OLFM3: variants seen among roughly 807,000 people sequenced by gnomAD.
The protein encoded by OLFM3 is noelin-3.
A neutral mutation model predicts 48.6 loss-of-function variants in OLFM3; 20 were observed. That is an observed-to-expected ratio of 0.41 (90% CI 0.29 to 0.60). The LOEUF (loss-of-function observed/expected upper bound fraction) is 0.60. OLFM3 is among the 20% of genes least tolerant of loss of function. OLFM3 has a pLI of 0.28. For synonymous variants in OLFM3, 222 were observed against 198.1 expected (o/e 1.12, Z -1.01); for missense variants, 437 against 544.3 (o/e 0.80, Z 1.96).
intron 1 of OLFM3, among the ~76,000 whole-genome samples, chr1:101,896,456 GTTT>G (rs1364911773): frequency 7.3e-6 from 1 of 136,978 alleles, no homozygotes; most frequent in Non-Finnish European, 1.6e-5. Flanking sequence ...TGTGCAGGAC[GTTT>G]TTATTTTTCA....
At chr1:101,848,204 C>T (rs2100944667) in intron 1 of OLFM3, among the ~76,000 whole-genome samples, 1 of 151,896 alleles carries the variant, frequency 6.6e-6, no homozygotes, top group South Asian at 2.1e-4. Context: ...AAAGAGAAGA[C>T]ACAAAACAAA....
chr1:101,906,004 A>G (rs1419630819), intron 1 of OLFM3, among the ~76,000 whole-genome samples: 1 of 152,138 alleles, frequency 6.6e-6, no homozygotes, highest in Non-Finnish European at 1.5e-5. Flanking sequence ...ATTTTCTCAC[A>G]TCTCTTCCCT....
intron 1 of OLFM3, chr1:101,893,250 GAA>G: frequency 1.3e-4 from 35 of 273,738 alleles, no homozygotes; most frequent in Admixed American, 1.6e-4. Flanking sequence ...CAGAGGTGGG[GAA>G]AAAAAAAAGG....
intron 1 of OLFM3, among the ~76,000 whole-genome samples, chr1:101,894,677 A>G (rs1658132379): frequency 6.6e-6 from 1 of 152,196 alleles, no homozygotes; most frequent in East Asian, 1.9e-4. Flanking sequence ...TCTTTATGTC[A>G]TATGTAATTT....
At chr1:101,853,013 C>T (rs929366849) in intron 1 of OLFM3, among the ~76,000 whole-genome samples, 3 of 152,042 alleles carry the variant, frequency 2.0e-5, no homozygotes, top group Non-Finnish European at 4.4e-5. Flanking sequence ...TTACTTTGTA[C>T]CATTTGTTAC....
intron 1 of OLFM3, among the ~76,000 whole-genome samples, chr1:101,949,767 A>G (rs138099057): frequency 1.3e-5 from 2 of 151,940 alleles, no homozygotes; most frequent in African/African-American, 2.4e-5. Flanking sequence ...CGTCTCTACT[A>G]AAAATACAAA....
intron 4 of OLFM3, chr1:101,812,679 A>G: frequency 1.0e-6 from 1 of 985,780 alleles, no homozygotes; most frequent in Non-Finnish European, 1.2e-6. Context: ...TCTCTATGGC[A>G]AAGGGATACT....
intron 1 of OLFM3, among the ~76,000 whole-genome samples, chr1:101,987,686 A>G (rs912561896): frequency 6.6e-6 from 1 of 152,108 alleles, no homozygotes; most frequent in Non-Finnish European, 1.5e-5. Flanking sequence ...ATTTGAAGAA[A>G]TCTTGCCATC....
chr1:101,829,321 A>G (rs939420794), intron 3 of OLFM3, among the ~76,000 whole-genome samples: 2 of 152,060 alleles, frequency 1.3e-5, no homozygotes, highest in African/African-American at 4.8e-5. Context: ...AATTTGTCCT[A>G]ATTACTTAAC....
At chr1:101,982,407 A>G (rs1483085990) in intron 1 of OLFM3, among the ~76,000 whole-genome samples, 1 of 152,214 alleles carries the variant, frequency 6.6e-6, no homozygotes, top group Admixed American at 6.5e-5. Context: ...ACAGACAGAG[A>G]TAGGAATATA....
intron 3 of OLFM3, among the ~76,000 whole-genome samples, chr1:101,826,751 C>G (rs1347500996): frequency 1.3e-5 from 2 of 152,136 alleles, no homozygotes; most frequent in African/African-American, 4.8e-5. Context: ...TGGAAATAGA[C>G]TTATTAAAGT....
At chr1:101,916,594 G>A (rs1054144159) in intron 1 of OLFM3, among the ~76,000 whole-genome samples, 1 of 152,074 alleles carries the variant, frequency 6.6e-6, no homozygotes, top group Non-Finnish European at 1.5e-5. Flanking sequence ...AGCAACTGTA[G>A]TTTTTGTTGA....
At chr1:101,948,418 C>A (rs1457627920) in intron 1 of OLFM3, among the ~76,000 whole-genome samples, 3 of 151,836 alleles carry the variant, frequency 2.0e-5, no homozygotes, top group Non-Finnish European at 2.9e-5. Flanking sequence ...ATGACACTGT[C>A]TTTTTATCCT....
intron 1 of OLFM3, among the ~76,000 whole-genome samples, chr1:101,991,880 A>G (rs1449231434): frequency 6.6e-6 from 1 of 151,886 alleles, no homozygotes; most frequent in African/African-American, 2.4e-5. Flanking sequence ...GAAGATGAAA[A>G]CTGCATGATA....
At chr1:101,965,954 C>T (rs1293347590) in intron 1 of OLFM3, among the ~76,000 whole-genome samples, 1 of 151,930 alleles carries the variant, frequency 6.6e-6, no homozygotes, top group Non-Finnish European at 1.5e-5. Flanking sequence ...ATATTTATTC[C>T]CTTCATTCTC....
chr1:101,987,630 TG>T (rs1303130792), intron 1 of OLFM3, among the ~76,000 whole-genome samples: 4 of 152,122 alleles, frequency 2.6e-5, no homozygotes, highest in Non-Finnish European at 5.9e-5. Flanking sequence ...ATTTTACCAG[TG>T]ACATTTTGGT....
At position 101,804,719 on chromosome 1, in the gene OLFM3, A is replaced by G. The variant is rs1653678620; in HGVS notation, c.896T>C (p.Met299Thr). 1 of 1,612,672 alleles carries G rather than the reference A, an allele frequency of 6.2e-7. No individual in the cohort carries two copies. Among genetic ancestry groups the G allele is most frequent in the Admixed American group, 1.7e-5 (1 of 59,826 alleles). Residue 299 changes from methionine to threonine, a missense_variant, in exon 6 of 6, where the codon ATG (methionine) becomes ACG (threonine). Physicochemically the swap from Met to Thr is moderately conservative, Grantham distance 81 (BLOSUM62 -1). Transcript: ENST00000370103. This position sits in a 1 kb window ranked among gnomAD's most constrained non-coding sequence, Gnocchi z 4.5. Reference sequence around the variant, plus strand: ...GCTTCGTTGGGCAAGCACTCTCCCCATATCAAAGCTGTATTTGATGATGAT... The same window carrying G: ...GCTTCGTTGGGCAAGCACTCTCCCCGTATCAAAGCTGTATTTGATGATGAT... ...SNIIIKYSFD[M>T]GRVLAQRSLE...
chr1:101,971,349 G>A (rs1485585349), intron 1 of OLFM3, among the ~76,000 whole-genome samples: 2 of 152,090 alleles, frequency 1.3e-5, no homozygotes, highest in African/African-American at 2.4e-5. Flanking sequence ...AATTTGGGGT[G>A]GCCCTACGCT....
At chr1:101,896,260 C>T (rs190930021) in intron 1 of OLFM3, among the ~76,000 whole-genome samples, 1 of 151,994 alleles carries the variant, frequency 6.6e-6, no homozygotes, top group African/African-American at 2.4e-5. Context: ...TTTTAATTTT[C>T]AGTTGCTATT....
Sources: gnomAD v4.1 joint callset for allele counts (sites outside exome capture counted in the v4.1 genomes callset) on GRCh38, gnomAD v4.1.1 for gene constraint, Gnocchi (gnomAD v3.1) non-coding constraint, MANE v1.5 for transcripts, NCBI Gene and HGNC (gene_info 2026-07-23, HGNC 2026-07-21) for gene names.